Variants in RGMA observed in about 807,000 individuals in gnomAD.
The protein encoded by RGMA is repulsive guidance molecule BMP co-receptor a, also known as repulsive guidance molecule A.
RGMA carries 10 observed loss-of-function variants against 23.2 expected under a neutral mutation model. That is an observed-to-expected ratio of 0.43 (90% CI 0.27 to 0.73). RGMA has a LOEUF of 0.73. Among genes scored for constraint, RGMA ranks in the 30% least tolerant of loss-of-function variants. The pLI, the probability that RGMA is intolerant of heterozygous loss-of-function variation, is 0.20. For missense variants in RGMA, 547 were observed against 630.5 expected, an observed-to-expected ratio of 0.87 and a Z score of 1.42; for synonymous variants, 308 against 279.3, an observed-to-expected ratio of 1.10 and a Z score of -1.03.
At chr15:93,083,557 G>A (rs1895592019) in intron 1 of RGMA, among the ~76,000 whole-genome samples, 1 of 152,168 alleles carries the variant, frequency 6.6e-6, no homozygotes, top group African/African-American at 2.4e-5. Flanking sequence ...TCGAACTCCT[G>A]AGATGAAGCA....
At chr15:93,073,639 G>A in intron 1 of RGMA, 2 of 1,537,168 alleles carry the variant, frequency 1.3e-6, no homozygotes, top group Non-Finnish European at 1.7e-6. Flanking sequence ...CGCGACACCG[G>A]TGCAGGAGGC....
At chr15:93,050,764 C>G (rs1333082581) in intron 3 of RGMA, among the ~76,000 whole-genome samples, 1 of 152,184 alleles carries the variant, frequency 6.6e-6, no homozygotes, top group Admixed American at 6.5e-5. Context: ...CTCTCACATC[C>G]TCAGACCTCC....
intron 1 of RGMA, among the ~76,000 whole-genome samples, chr15:93,087,222 A>T (rs1895649050): frequency 1.3e-5 from 2 of 152,196 alleles, no homozygotes; most frequent in Admixed American, 1.3e-4. Flanking sequence ...GGTGCCCTTC[A>T]GAACCGGGTG....
At chr15:93,078,006 C>T (rs2141845783) in intron 1 of RGMA, among the ~76,000 whole-genome samples, 1 of 152,314 alleles carries the variant, frequency 6.6e-6, no homozygotes, top group South Asian at 2.1e-4. Flanking sequence ...CTGTGCCCAG[C>T]TGACATCTTG....
At chr15:93,070,362 C>T (rs1013173630) in intron 2 of RGMA, among the ~76,000 whole-genome samples, 1 of 152,208 alleles carries the variant, frequency 6.6e-6, no homozygotes, top group African/African-American at 2.4e-5. Context: ...CGCAGTTGCT[C>T]GGCCAGTTTC....
At chr15:93,088,157 G>T in intron 1 of RGMA, 1 of 699,624 alleles carries the variant, frequency 1.4e-6, no homozygotes, top group Non-Finnish European at 1.8e-6. Context: ...TGGGAGAACT[G>T]ATTCTACCTC....
rs2054704059 is a variant in RGMA at position 93,039,842 on chromosome 15, T to G, written c.*5156A>C. ...TCGCTGCATTGCCACTGCCTCAGACTGGCTCCTGACTTCCTCTTTCTTCCC... is the reference window on the plus strand; with the variant it reads ...TCGCTGCATTGCCACTGCCTCAGACGGGCTCCTGACTTCCTCTTTCTTCCC... On this transcript the variant is annotated 3_prime_UTR_variant, in exon 4 of 4. Transcript: ENST00000329082. 6.6e-6 allele frequency: 1 copy of G among 152,336 alleles called. No homozygotes were observed. Among genetic ancestry groups the G allele is most frequent in the African/African-American group, 2.4e-5 (1 of 41,448 alleles). The allele number at this position is 152,336 out of a possible 1,614,324, so 9.4% of individuals were successfully genotyped here. A position where few individuals can be genotyped will look rare whatever the true frequency, so the allele number is the denominator to read the frequency against.
intron 2 of RGMA, 151 bp downstream of exon 2, chr15:93,072,765 T>C: frequency 1.1e-6 from 1 of 872,810 alleles, no homozygotes. Flanking sequence ...CACGACGGGG[T>C]GCGGGAGAAA....
At chr15:93,072,826 T>C (rs1005398685) in intron 2 of RGMA, 90 bp downstream of exon 2, 1 of 1,402,310 alleles carries the variant, frequency 7.1e-7, no homozygotes, top group Non-Finnish European at 9.7e-7. Context: ...TCCGGAGAAC[T>C]TGAGCCCGGA....
At chr15:93,051,839 C>A in intron 3 of RGMA, 154 bp downstream of exon 3, 1 of 776,642 alleles carries the variant, frequency 1.3e-6, no homozygotes, top group East Asian at 2.7e-5. Context: ...GAGACCCACC[C>A]CCTTGGGATG....
chr15:93,086,184 C>A (rs1365389282), intron 1 of RGMA, among the ~76,000 whole-genome samples: 1 of 152,196 alleles, frequency 6.6e-6, no homozygotes, highest in African/African-American at 2.4e-5. Flanking sequence ...AAAAGAGCCA[C>A]AGGAACACCA....
In RGMA at chr15:93,079,207, A is replaced by C. The variant is rs539270935; in HGVS notation, c.15-6176T>G. Reference sequence around the variant, plus strand: ...ATCCAGAAAAGTACCTGTTTATCCTATTTTTTATTTCTTGTCTCTAAGGAT... The same window carrying C: ...ATCCAGAAAAGTACCTGTTTATCCTCTTTTTTATTTCTTGTCTCTAAGGAT... On this transcript the variant is annotated intron_variant, in intron 1 of 3. Transcript: ENST00000329082. Among the ~76,000 whole-genome samples the C allele has an allele frequency of 4.6e-5, 7 of 152,310 alleles. No individual in the cohort carries two copies. In the East Asian group the frequency reaches 1.3e-3, roughly 29 times the overall value.
chr15:93,089,047 C>G lies in RGMA; in HGVS notation c.-115G>C. ...TGGGAGGGGCTCCGCTGGCGCTGGT[C>G]CCCGCCGCCCCGGCCGGCTCAGCAG... On this transcript the variant is annotated 5_prime_UTR_variant, in exon 1 of 4. Transcript: ENST00000329082. 1 of 547,272 alleles carries G rather than the reference C, an allele frequency of 1.8e-6. No homozygotes were observed. The highest frequency in any genetic ancestry group is 2.8e-6 in the Non-Finnish European group (1 of 352,682). 33.9% of individuals were successfully genotyped at this position (547,272 alleles called of 1,614,324 possible). A position where few individuals can be genotyped will look rare whatever the true frequency, so the allele number is the denominator to read the frequency against.
In RGMA at chr15:93,041,090, C is replaced by T. The variant is rs1013534278; in HGVS notation, c.*3908G>A. On this transcript the variant is annotated 3_prime_UTR_variant, in exon 4 of 4. Coordinates refer to ENST00000329082, the MANE Select transcript of RGMA (RefSeq NM_020211.3). Reference sequence around the variant, plus strand: ...GCTGGCACAGCTCTGATGACTGTCTCCTGCCTGGCTCTGACGGGTCTCTGC... The same window carrying T: ...GCTGGCACAGCTCTGATGACTGTCTTCTGCCTGGCTCTGACGGGTCTCTGC... 1 of 152,398 alleles carries T rather than the reference C, an allele frequency of 6.6e-6. No homozygotes were observed. Among genetic ancestry groups the T allele is most frequent in the African/African-American group, 2.4e-5 (1 of 41,452 alleles). 9.4% of individuals were successfully genotyped at this position (152,398 alleles called of 1,614,324 possible). A position where few individuals can be genotyped will look rare whatever the true frequency, so the allele number is the denominator to read the frequency against.
At position 93,043,299 on chromosome 15, in the gene RGMA, T is replaced by TGCGC. The variant is rs1405059330; in HGVS notation, c.*1695_*1698dup. The TGCGC allele has an allele frequency of 2.2e-5, 3 of 135,350 alleles. No individual in the cohort carries two copies. Among genetic ancestry groups the TGCGC allele is most frequent in the East Asian group, 4.0e-4 (2 of 5,032 alleles). The allele number at this position is 135,350 out of a possible 1,614,324, so 8.4% of individuals were successfully genotyped here. A position where few individuals can be genotyped will look rare whatever the true frequency, so the allele number is the denominator to read the frequency against. On this transcript the variant is annotated 3_prime_UTR_variant, in exon 4 of 4. Coordinates refer to ENST00000329082, the MANE Select transcript of RGMA (RefSeq NM_020211.3). ...ATACACACATGCGCGCACACACACATGCGCGCACACACACACACTTGCTGC... is the reference window on the plus strand; with the variant it reads ...ATACACACATGCGCGCACACACACATGCGCGCGCGCACACACACACACTTGCTGC...
At chr15:93,074,613 C>G (rs1397711997) in intron 1 of RGMA, among the ~76,000 whole-genome samples, 1 of 152,216 alleles carries the variant, frequency 6.6e-6, no homozygotes, top group Non-Finnish European at 1.5e-5. Context: ...TCGACAAGCT[C>G]TAAATATTTT....
chr15:93,052,345 G>T lies in RGMA; in HGVS notation c.293C>A (p.Ala98Asp). The change falls in exon 3 of 4, where the codon GCC (alanine) becomes GAC (aspartate). Residue 98 changes from alanine to aspartate, a missense_variant. Ala to Asp is a moderately radical substitution (Grantham distance 126). This residue lies in a region of RGMA where 214 missense variants were observed against 234.7 expected (regional missense o/e 0.91). Transcript: ENST00000329082. ...RTARTCRGDL[A>D]YHSAVHGIED... ...TATGCCATGGACGGCCGAGTGGTAG[G>T]CCAGGTCACCCCGGCAGGTGCGGGC... 1 of 1,601,958 alleles carries T rather than the reference G, an allele frequency of 6.2e-7. No homozygotes were observed.
rs1442661559 is a variant in RGMA, at chr15:93,039,514, T to G, written c.*5484A>C. 1 of 152,182 alleles carries G rather than the reference T, an allele frequency of 6.6e-6. No homozygotes were observed. Among genetic ancestry groups the G allele is most frequent in the Admixed American group, 6.5e-5 (1 of 15,276 alleles). The allele number at this position is 152,182 out of a possible 1,614,324, so 9.4% of individuals were successfully genotyped here. ...CCTATGAACCCGTCATCATCTACAT[T>G]GGGTATTTCTCCTGATGCTCTCCCT... is the stretch of plus-strand genomic sequence containing the variant. On this transcript the variant is annotated 3_prime_UTR_variant, in exon 4 of 4. Transcript: ENST00000329082.
Position 93,063,991 on chromosome 15 carries a change from A to G in RGMA, c.130+8925T>C, listed in dbSNP as rs189107587. ...GCTGCTTTGCCCCAGCCTCACTCAT[A>G]CCAAGTGGCTACACGAAACCACACC... On this transcript the variant is annotated intron_variant, in intron 2 of 3. Coordinates refer to ENST00000329082, the MANE Select transcript of RGMA (RefSeq NM_020211.3). Among the ~76,000 whole-genome samples the G allele has an allele frequency of 1.6e-3, 248 of 152,300 alleles. 1 individual carries two copies. The highest frequency in any genetic ancestry group is 5.6e-3 in the African/African-American group (232 of 41,574).
Sources: gnomAD v4.1 joint callset for allele counts (sites outside exome capture counted in the v4.1 genomes callset) on GRCh38, gnomAD v4.1.1 for gene constraint, gnomAD v4.1.1 regional missense constraint, MANE v1.5 for transcripts, NCBI Gene and HGNC (gene_info 2026-07-23, HGNC 2026-07-21) for gene names.